AMBRA1: variants seen among roughly 807,000 people sequenced by gnomAD.
AMBRA1 encodes the protein activating molecule in BECN1-regulated autophagy protein 1.
In AMBRA1, 47 loss-of-function variants were observed where a neutral mutation model predicts 125.4. The ratio of observed to expected loss-of-function variants is 0.37; its 90% CI spans 0.30 to 0.48. The LOEUF is 0.48. Among genes scored for constraint, AMBRA1 ranks in the 20% least tolerant of loss-of-function variants. The pLI, the probability that AMBRA1 is intolerant of heterozygous loss-of-function variation, is 0.99. For missense variants in AMBRA1, 1,331 were observed against 1,693.4 expected, an observed-to-expected ratio of 0.79 and a Z score of 3.76; for synonymous variants, 626 against 655.5, an observed-to-expected ratio of 0.95 and a Z score of 0.69.
intron 11 of AMBRA1, among the ~76,000 whole-genome samples, chr11:46,454,755 A>C (rs1259943252): frequency 6.6e-6 from 1 of 152,024 alleles, no homozygotes; most frequent in Non-Finnish European, 1.5e-5. Context: ...CATCTCAAAA[A>C]AATAAAAATA....
At chr11:46,419,210 G>A (rs1032324722) in intron 14 of AMBRA1, among the ~76,000 whole-genome samples, 2 of 152,132 alleles carry the variant, frequency 1.3e-5, no homozygotes, top group African/African-American at 4.8e-5. Flanking sequence ...TATTTTCTGA[G>A]CGGCATATTT....
chr11:46,564,779 A>C (rs2043463814), intron 1 of AMBRA1, among the ~76,000 whole-genome samples: 1 of 152,226 alleles, frequency 6.6e-6, no homozygotes, highest in African/African-American at 2.4e-5. Flanking sequence ...ACCTCACTGG[A>C]GGTTAACTAT....
intron 11 of AMBRA1, among the ~76,000 whole-genome samples, chr11:46,474,678 GCA>G (rs1376117761): frequency 6.6e-6 from 1 of 152,174 alleles, no homozygotes; most frequent in African/African-American, 2.4e-5. Flanking sequence ...GTAAGCCACG[GCA>G]CCTGGCCTCT....
chr11:46,410,810 CAG>C (rs1197248347), intron 15 of AMBRA1, among the ~76,000 whole-genome samples: 1 of 152,196 alleles, frequency 6.6e-6, no homozygotes, highest in African/African-American at 2.4e-5. Flanking sequence ...TCTTGAAAAG[CAG>C]AGGCCTTGGC....
chr11:46,455,445 G>C (rs1948809176), intron 11 of AMBRA1, among the ~76,000 whole-genome samples: 1 of 152,166 alleles, frequency 6.6e-6, no homozygotes, highest in Non-Finnish European at 1.5e-5. Flanking sequence ...AACATGCTTT[G>C]AAAGAGGAGA....
At chr11:46,423,970 C>T (rs1465903357) in intron 14 of AMBRA1, among the ~76,000 whole-genome samples, 1 of 150,852 alleles carries the variant, frequency 6.6e-6, no homozygotes, top group East Asian at 2.0e-4. Context: ...TCCAAGTTGG[C>T]CAGGCTGGTC....
chr11:46,565,996 C>G (rs1258454725), intron 1 of AMBRA1, among the ~76,000 whole-genome samples: 1 of 152,114 alleles, frequency 6.6e-6, no homozygotes. Flanking sequence ...AGCAATCTGC[C>G]AGCCTCAGCC....
intron 7 of AMBRA1, 126 bp from the exon 8 acceptor site, chr11:46,512,939 G>A: frequency 1.3e-6 from 1 of 746,864 alleles, no homozygotes; most frequent in South Asian, 2.2e-5. Flanking sequence ...CTGTTATCTG[G>A]GATCACACCC....
At chr11:46,464,998 C>T (rs1949263660) in intron 11 of AMBRA1, among the ~76,000 whole-genome samples, 1 of 151,978 alleles carries the variant, frequency 6.6e-6, no homozygotes, top group Non-Finnish European at 1.5e-5. Flanking sequence ...GAGCTGCGAT[C>T]GCGCCACCGC....
At chr11:46,550,405 A>C (rs1362453821) in intron 1 of AMBRA1, among the ~76,000 whole-genome samples, 1 of 152,148 alleles carries the variant, frequency 6.6e-6, no homozygotes, top group Admixed American at 6.5e-5. Context: ...TACTTGGTTG[A>C]GGTTGTTAAG....
At chr11:46,572,079 G>A (rs1466635040) in intron 1 of AMBRA1, among the ~76,000 whole-genome samples, 1 of 152,102 alleles carries the variant, frequency 6.6e-6, no homozygotes, top group African/African-American at 2.4e-5. Context: ...GAGGTGGGTG[G>A]ATCACAAGGT....
chr11:46,438,131 C>CAA (rs144412383), intron 12 of AMBRA1, among the ~76,000 whole-genome samples: 1 of 152,064 alleles, frequency 6.6e-6, no homozygotes, highest in East Asian at 1.9e-4. Flanking sequence ...AGGCAAAAAA[C>CAA]ATATTGGAAA....
At chr11:46,411,076 G>C (rs1395031408) in intron 15 of AMBRA1, among the ~76,000 whole-genome samples, 3 of 149,156 alleles carry the variant, frequency 2.0e-5, no homozygotes, top group Non-Finnish European at 4.5e-5. Flanking sequence ...CTCCAGCCTG[G>C]GTGACAGTGC....
At position 46,541,959 on chromosome 11, in the gene AMBRA1, C is replaced by T; in HGVS notation, c.2058G>A (p.Glu686=). The change falls in exon 7 of 18, where the codon GAG becomes GAA. Residue 686 remains glutamate (E), a synonymous_variant. Coordinates refer to ENST00000683756, the MANE Select transcript of AMBRA1 (RefSeq NM_001387011.1). ...HQDMPEESSE[E]DSLRRRLLES... ...CGACTGCTTACCTCCTGAGTGAATC[C>T]TCCTCAGAGCTCTCCTCAGGCATAT... 1 of 1,609,100 alleles carries T rather than the reference C, an allele frequency of 6.2e-7. No individual in the cohort carries two copies. Among genetic ancestry groups the T allele is most frequent in the Non-Finnish European group, 8.5e-7 (1 of 1,178,802 alleles).
At chr11:46,419,728 G>A (rs1215553775) in intron 14 of AMBRA1, among the ~76,000 whole-genome samples, 6 of 152,116 alleles carry the variant, frequency 3.9e-5, no homozygotes, top group African/African-American at 1.4e-4. Context: ...TGAGCATGTG[G>A]TTTAGACAGT....
intron 10 of AMBRA1, 160 bp from the exon 11 acceptor site, chr11:46,493,868 C>CT (rs1259483353): frequency 4.5e-5 from 29 of 650,844 alleles, no homozygotes; most frequent in Non-Finnish European, 2.3e-5. Flanking sequence ...AGATTTGTAT[C>CT]TATCTTTTTC....
intron 15 of AMBRA1, among the ~76,000 whole-genome samples, chr11:46,414,900 C>G (rs780022242): frequency 7.2e-5 from 11 of 152,274 alleles, no homozygotes; most frequent in South Asian, 4.2e-4. Flanking sequence ...GTTTTAGTAC[C>G]ACCAAGAGAT....
At chr11:46,522,855 A>C (rs1409546558) in intron 7 of AMBRA1, among the ~76,000 whole-genome samples, 1 of 152,322 alleles carries the variant, frequency 6.6e-6, no homozygotes. Context: ...AAAACCCTTG[A>C]CCAAGGCCAT....
At position 46,542,457 on chromosome 11, in the gene AMBRA1, C is replaced by T; in HGVS notation, c.1560G>A (p.Leu520=). 2 of 1,614,042 alleles carry T rather than the reference C, an allele frequency of 1.2e-6. No homozygotes were observed. The highest frequency in any genetic ancestry group is 1.7e-6 in the Non-Finnish European group (2 of 1,180,034). ...YDRLQELDQS[L]SGEAPQTQQA... is the part of the protein sequence containing the mutation. Reference sequence around the variant, plus strand: ...GTTGGGTCTGGGGAGCTTCCCCACTCAGGCTCTGATCCAGCTCCTGAAGCC... The same window carrying T: ...GTTGGGTCTGGGGAGCTTCCCCACTTAGGCTCTGATCCAGCTCCTGAAGCC... The change falls in exon 7 of 18, where the codon CTG becomes CTA. Residue 520 remains leucine, a synonymous_variant. Transcript: ENST00000683756. The surrounding 1 kb of genome is among the most constrained non-coding windows in gnomAD (Gnocchi z 5.9).
Sources: gnomAD v4.1 joint callset for allele counts (sites outside exome capture counted in the v4.1 genomes callset) on GRCh38, gnomAD v4.1.1 for gene constraint, Gnocchi (gnomAD v3.1) non-coding constraint, MANE v1.5 for transcripts, NCBI Gene and HGNC (gene_info 2026-07-23, HGNC 2026-07-21) for gene names.